Variants in KCNH1 observed in about 807,000 individuals in gnomAD.
KCNH1 encodes the protein voltage-gated delayed rectifier potassium channel KCNH1.
In KCNH1, 27 loss-of-function variants were observed where a neutral mutation model predicts 69.2. That is an observed-to-expected ratio of 0.39 (90% CI 0.29 to 0.54). KCNH1 has a LOEUF of 0.54. Ranked by LOEUF, KCNH1 falls within the 20% of genes least tolerant of loss-of-function variation. KCNH1 has a pLI of 0.68. For missense variants in KCNH1, 798 were observed against 1,261.6 expected (o/e 0.63, Z 5.57); for synonymous variants, 456 against 487.7 (o/e 0.93, Z 0.86).
intron 3 of KCNH1, among the ~76,000 whole-genome samples, chr1:211,101,231 T>G (rs1360216771): frequency 1.3e-5 from 2 of 152,148 alleles, no homozygotes; most frequent in Non-Finnish European, 1.5e-5. Flanking sequence ...GTCTATCTCT[T>G]CATACTTGCA....
intron 7 of KCNH1, among the ~76,000 whole-genome samples, chr1:210,906,675 T>C (rs1687109645): frequency 6.6e-6 from 1 of 152,224 alleles, no homozygotes. Context: ...ATGAGCTACA[T>C]GTGTCACTGA....
intron 3 of KCNH1, among the ~76,000 whole-genome samples, chr1:211,100,730 A>C (rs1446461856): frequency 2.0e-5 from 3 of 152,162 alleles, no homozygotes; most frequent in Non-Finnish European, 4.4e-5. Flanking sequence ...GCTGGGTGCA[A>C]GGGGTAGAGC....
Position 211,065,250 on chromosome 1 carries a change from G to A in KCNH1, c.558+17530C>T, listed in dbSNP as rs988551484. ...GAATCAACCTAGGTGTCCAACAACA[G>A]ATGAACAGATAAACAAAATGTGGCA... is the stretch of plus-strand genomic sequence containing the variant. On this transcript the variant is annotated intron_variant, in intron 5 of 10. Coordinates refer to ENST00000271751, the MANE Select transcript of KCNH1 (RefSeq NM_172362.3). Among the ~76,000 whole-genome samples the A allele has an allele frequency of 3.3e-5, 5 of 152,142 alleles. No individual in the cohort carries two copies. In the East Asian group the frequency reaches 5.8e-4, roughly 18 times the overall value.
rs141770772 is a variant in KCNH1 at position 211,025,053 on chromosome 1, G to A, written c.559-5797C>T. 7.2e-5 allele frequency among the ~76,000 whole-genome samples: 11 copies of A among 152,288 alleles called. No homozygotes were observed. The East Asian group carries it at 1.9e-3, about 27-fold the overall frequency. On this transcript the variant is annotated intron_variant, in intron 5 of 10. Transcript: ENST00000271751. ...TTTTAAGGAAGCAGACTTAGTGCAGGAAGAAGTACAGAGAAGGCTGGCTCC... is the reference window on the plus strand; with the variant it reads ...TTTTAAGGAAGCAGACTTAGTGCAGAAAGAAGTACAGAGAAGGCTGGCTCC...
intron 10 of KCNH1, among the ~76,000 whole-genome samples, chr1:210,687,735 C>A (rs1681435962): frequency 6.6e-6 from 1 of 152,234 alleles, no homozygotes; most frequent in Non-Finnish European, 1.5e-5. Context: ...GTCTCAGAGG[C>A]AGCCATGACC....
chr1:210,850,795 G>A (rs1218646268), intron 7 of KCNH1, among the ~76,000 whole-genome samples: 1 of 152,186 alleles, frequency 6.6e-6, no homozygotes, highest in East Asian at 1.9e-4. Flanking sequence ...TTCATCAGAG[G>A]AAAGGGAAAA....
intron 10 of KCNH1, among the ~76,000 whole-genome samples, chr1:210,723,501 A>C (rs1000059416): frequency 2.0e-5 from 3 of 152,314 alleles, no homozygotes; most frequent in Admixed American, 1.3e-4. Context: ...AACCAAGAAG[A>C]AACACTTTCC....
At chr1:210,875,476 C>G (rs1350651669) in intron 7 of KCNH1, among the ~76,000 whole-genome samples, 1 of 152,160 alleles carries the variant, frequency 6.6e-6, no homozygotes, top group Non-Finnish European at 1.5e-5. Context: ...GTTTAGGAAA[C>G]TTGCTGGTTA....
intron 10 of KCNH1, among the ~76,000 whole-genome samples, chr1:210,710,203 A>G: frequency 6.6e-6 from 1 of 152,150 alleles, no homozygotes; most frequent in East Asian, 1.9e-4. Context: ...GAAAAGGTAG[A>G]GTAAAAACAC....
intron 7 of KCNH1, among the ~76,000 whole-genome samples, chr1:210,902,455 A>ATGG (rs58755565): frequency 0.033 from 4,973 of 152,244 alleles, 260 homozygotes; most frequent in African/African-American, 0.11. Context: ...CTCTGTGCAC[A>ATGG]TGGTGGTGGG....
At position 211,003,263 on chromosome 1, in the gene KCNH1, G is replaced by A. The variant is rs559519614; in HGVS notation, c.1032+15520C>T. Among the ~76,000 whole-genome samples, 6 of 152,282 alleles carry A rather than the reference G, an allele frequency of 3.9e-5. No individual in the cohort carries two copies. The South Asian group carries it at 1.2e-3, about 32-fold the overall frequency. On this transcript the variant is annotated intron_variant, in intron 6 of 10. Transcript: ENST00000271751. ...GCTTGGTATCTCAGATCACCAATGAGGAGAACTAAAAGAAGTTTGGAAGGA... is the reference window on the plus strand; with the variant it reads ...GCTTGGTATCTCAGATCACCAATGAAGAGAACTAAAAGAAGTTTGGAAGGA...
At chr1:211,004,531 A>G (rs1231543837) in intron 6 of KCNH1, among the ~76,000 whole-genome samples, 1 of 152,180 alleles carries the variant, frequency 6.6e-6, no homozygotes, top group African/African-American at 2.4e-5. Context: ...ATAGAAAGTT[A>G]ACAGAAAGGT....
chr1:210,932,240 C>T (rs573986036), intron 6 of KCNH1, among the ~76,000 whole-genome samples: 199 of 152,218 alleles, frequency 1.3e-3, no homozygotes, highest in African/African-American at 4.6e-3. Flanking sequence ...AGCTTCAAGT[C>T]ACATATGAGG....
In KCNH1 at chr1:210,788,976, G is replaced by A. The variant is rs572207970; in HGVS notation, c.1915+8532C>T. Among the ~76,000 whole-genome samples, 60 of 149,036 alleles carry A rather than the reference G, an allele frequency of 4.0e-4. 3 individuals carry two copies. The highest frequency in any genetic ancestry group is 8.6e-4 in the Admixed American group (13 of 15,204). The stretch of plus-strand genomic sequence containing the variant: ...CTCCCAAAGTGCTGGGATTACAGGC[G>A]TGAGCCACCGCGCCCGGCCTATAGC... On this transcript the variant is annotated intron_variant, in intron 9 of 10. Coordinates refer to ENST00000271751, the MANE Select transcript of KCNH1 (RefSeq NM_172362.3).
At chr1:210,921,575 A>C (rs1163279191) in intron 6 of KCNH1, among the ~76,000 whole-genome samples, 1 of 152,204 alleles carries the variant, frequency 6.6e-6, no homozygotes, top group African/African-American at 2.4e-5. Context: ...CTTTCTGGAT[A>C]CACAGTTAAA....
At chr1:210,920,675 T>C (rs984646688) in intron 6 of KCNH1, among the ~76,000 whole-genome samples, 1 of 151,970 alleles carries the variant, frequency 6.6e-6, no homozygotes, top group Non-Finnish European at 1.5e-5. Flanking sequence ...AATAAGTTTA[T>C]AAATTTAAAA....
chr1:210,786,573 G>C (rs148913103), intron 9 of KCNH1, among the ~76,000 whole-genome samples: 2 of 151,772 alleles, frequency 1.3e-5, no homozygotes, highest in South Asian at 2.1e-4. Context: ...TCTCTCCCTC[G>C]TCTCCCTGGG....
intron 5 of KCNH1, among the ~76,000 whole-genome samples, chr1:211,069,785 T>C (rs1367107709): frequency 2.0e-5 from 3 of 152,230 alleles, no homozygotes; most frequent in African/African-American, 7.2e-5. Context: ...TGATTTAATA[T>C]TGCATCTTTA....
intron 10 of KCNH1, among the ~76,000 whole-genome samples, chr1:210,734,624 C>T (rs61829484): frequency 0.083 from 12,581 of 152,050 alleles, 708 homozygotes; most frequent in Non-Finnish European, 0.13. Context: ...ACCAGAGGCA[C>T]GGCCTTCCTG....
Sources: gnomAD v4.1 joint callset for allele counts (sites outside exome capture counted in the v4.1 genomes callset) on GRCh38, gnomAD v4.1.1 for gene constraint, MANE v1.5 for transcripts, NCBI Gene and HGNC (gene_info 2026-07-23, HGNC 2026-07-21) for gene names.